Variants in RNF19A observed in about 807,000 individuals in gnomAD.
RNF19A encodes the protein E3 ubiquitin-protein ligase RNF19A.
Under a neutral mutation model 75.7 loss-of-function variants are expected in RNF19A, and 32 were observed. That is an observed-to-expected ratio of 0.42 (90% CI 0.32 to 0.57). The LOEUF is 0.57. Ranked by LOEUF, RNF19A falls within the 20% of genes least tolerant of loss-of-function variation. The pLI, the probability that RNF19A is intolerant of heterozygous loss-of-function variation, is 0.10. For synonymous variants in RNF19A, 335 were observed against 345.2 expected (o/e 0.97, Z 0.33); for missense variants, 782 against 1,036.3 (o/e 0.75, Z 3.37).
At position 100,287,939 on chromosome 8, in the gene RNF19A, C is replaced by A. The variant is rs773648955; in HGVS notation, c.236G>T (p.Arg79Leu). Reference sequence around the variant, plus strand: ...CCCGCCATTTAGCTCCCTTGATTTACGTTTGTTATCTTTTTTCCTCCGAAA... The same window carrying A: ...CCCGCCATTTAGCTCCCTTGATTTAAGTTTGTTATCTTTTTTCCTCCGAAA... ...SLFRRKKDNK[R>L]KSRELNGGVD... Residue 79 changes from arginine to leucine, a missense_variant, in exon 2 of 10, where the codon CGT (arginine) becomes CTT (leucine). By Grantham distance (102) the Arg-to-Leu change is moderately radical (BLOSUM62 -2). Coordinates refer to ENST00000341084, the MANE Select transcript of RNF19A (RefSeq NM_183419.4). The surrounding 1 kb of genome is among the most constrained non-coding windows in gnomAD (Gnocchi z 4.1). 3.7e-6 allele frequency: 6 copies of A among 1,614,114 alleles called. No individual in the cohort carries two copies. Among genetic ancestry groups the A allele is most frequent in the Non-Finnish European group, 5.1e-6 (6 of 1,180,012 alleles).
At chr8:100,306,689 A>C (rs1432994934) in intron 1 of RNF19A, among the ~76,000 whole-genome samples, 2 of 152,236 alleles carry the variant, frequency 1.3e-5, no homozygotes, top group Admixed American at 6.5e-5. Flanking sequence ...TGTTTGGTTG[A>C]AGCCTACCAC....
chr8:100,287,949 C>A lies in RNF19A; in HGVS notation c.226G>T (p.Asp76Tyr). 6.2e-7 allele frequency: 1 copy of A among 1,614,114 alleles called. No individual in the cohort carries two copies. Among genetic ancestry groups the A allele is most frequent in the Non-Finnish European group, 8.5e-7 (1 of 1,180,004 alleles). Reference sequence around the variant, plus strand: ...AGCTCCCTTGATTTACGTTTGTTATCTTTTTTCCTCCGAAACAGGGAGCCT... The same window carrying A: ...AGCTCCCTTGATTTACGTTTGTTATATTTTTTCCTCCGAAACAGGGAGCCT... ...SIGSLFRRKK[D>Y]NKRKSRELNG... Residue 76 changes from aspartate to tyrosine, a missense_variant, in exon 2 of 10, where the codon GAT (aspartate) becomes TAT (tyrosine). This residue lies in a region of RNF19A where 148 missense variants were observed against 147.9 expected (regional missense o/e 1.00). Coordinates refer to ENST00000341084, the MANE Select transcript of RNF19A (RefSeq NM_183419.4). The surrounding 1 kb of genome is among the most constrained non-coding windows in gnomAD (Gnocchi z 4.1).
rs1821061653 is a variant in RNF19A at position 100,287,155 on chromosome 8, C to T, written c.674+346G>A. On this transcript the variant is annotated intron_variant, in intron 2 of 9. Transcript: ENST00000341084. This position sits in a 1 kb window ranked among gnomAD's most constrained non-coding sequence, Gnocchi z 4.1. The stretch of plus-strand genomic sequence containing the variant: ...TTGAATTTATGACCACAAATAACCC[C>T]CTCATCATAAACAAACCTGATCATT... Among the ~76,000 whole-genome samples the T allele has an allele frequency of 6.6e-6, 1 of 152,012 alleles. No homozygotes were observed. The highest frequency in any genetic ancestry group is 6.6e-5 in the Admixed American group (1 of 15,258).
At chr8:100,300,764 T>C (rs924794362) in intron 1 of RNF19A, 8 of 152,356 alleles carry the variant, frequency 5.3e-5, no homozygotes, top group Non-Finnish European at 8.8e-5. Context: ...GATATTTAAC[T>C]AGTCAACTCC....
chr8:100,326,823 CTT>C (rs1369900710), intron 1 of RNF19A, among the ~76,000 whole-genome samples: 2 of 152,210 alleles, frequency 1.3e-5, no homozygotes, highest in Non-Finnish European at 2.9e-5. Context: ...ATTTGACTCT[CTT>C]TGATGAAAGA....
upstream of RNF19A, among the ~76,000 whole-genome samples, chr8:100,311,340 A>T (rs1194388750): frequency 6.6e-6 from 1 of 152,230 alleles, no homozygotes; most frequent in Non-Finnish European, 1.5e-5. Context: ...GCTGCCAGCG[A>T]CTTTACATAT....
intron 1 of RNF19A, among the ~76,000 whole-genome samples, chr8:100,307,415 C>T (rs1712048909): frequency 6.6e-6 from 1 of 152,098 alleles, no homozygotes; most frequent in Admixed American, 6.5e-5. Context: ...CATATCTCAA[C>T]CATCTGTGCC....
intron 5 of RNF19A, among the ~76,000 whole-genome samples, chr8:100,267,047 A>C (rs558573248): frequency 8.5e-5 from 13 of 152,346 alleles, no homozygotes; most frequent in African/African-American, 2.9e-4. Flanking sequence ...AAACAAAAGG[A>C]AACAGATCTG....
intron 1 of RNF19A, among the ~76,000 whole-genome samples, chr8:100,300,828 G>A (rs1057122824): frequency 6.6e-6 from 1 of 152,160 alleles, no homozygotes; most frequent in African/African-American, 2.4e-5. Flanking sequence ...AAAAAACAGA[G>A]TGAGTCTTTT....
intron 1 of RNF19A, chr8:100,309,439 C>T: frequency 1.0e-6 from 1 of 985,518 alleles, no homozygotes; most frequent in Non-Finnish European, 1.2e-6. Flanking sequence ...GTTCCGCCCC[C>T]GCCGCCTCCC....
At chr8:100,313,603 T>C (rs1045496786), upstream of RNF19A, among the ~76,000 whole-genome samples, 1 of 152,116 alleles carries the variant, frequency 6.6e-6, no homozygotes, top group African/African-American at 2.4e-5. Context: ...TTCTAAATGA[T>C]TGGTATGAAG....
intron 2 of RNF19A, among the ~76,000 whole-genome samples, chr8:100,285,625 T>C (rs1277539201): frequency 6.6e-6 from 1 of 152,070 alleles, no homozygotes; most frequent in Non-Finnish European, 1.5e-5. Flanking sequence ...TTTTCCTTTA[T>C]CATTGTCAGA....
chr8:100,259,891 C>A lies in RNF19A; in HGVS notation c.1789G>T (p.Ala597Ser). ...ATGTAGGAATTCAGAATGGATCCTG[C>A]CATTGCTTTGGTGCTGGCATTATCA... ...VSDNASTKAM[A>S]GSILNSYIPL... The change falls in exon 9 of 10, where the codon GCA becomes TCA. Residue 597 changes from alanine (A) to serine (S), a missense_variant. Physicochemically the swap from Ala to Ser is moderately conservative, Grantham distance 99 (BLOSUM62 1). Transcript: ENST00000341084. The surrounding 1 kb of genome is among the most constrained non-coding windows in gnomAD (Gnocchi z 4.5). 6.2e-7 allele frequency: 1 copy of A among 1,613,876 alleles called. No homozygotes were observed. The highest frequency in any genetic ancestry group is 8.5e-7 in the Non-Finnish European group (1 of 1,179,864).
At chr8:100,302,710 T>C (rs1222508099) in intron 1 of RNF19A, among the ~76,000 whole-genome samples, 1 of 151,944 alleles carries the variant, frequency 6.6e-6, no homozygotes, top group African/African-American at 2.4e-5. Flanking sequence ...AAGAGGCGAA[T>C]CCAGTAAAGG....
intron 2 of RNF19A, among the ~76,000 whole-genome samples, chr8:100,278,810 T>C (rs573038570): frequency 1.2e-4 from 18 of 152,256 alleles, no homozygotes; most frequent in African/African-American, 4.1e-4. Context: ...AAAAAAGTAC[T>C]TCTTCTTGAC....
rs1042005098 is a variant in RNF19A at position 100,323,375 on chromosome 8, GC to G, written c.-242-10004del. Among the ~76,000 whole-genome samples the G allele has an allele frequency of 1.3e-5, 2 of 152,140 alleles. No individual in the cohort carries two copies. Among genetic ancestry groups the G allele is most frequent in the Non-Finnish European group, 2.9e-5 (2 of 68,040 alleles). On this transcript the variant is annotated intron_variant, in intron 1 of 3. Coordinates refer to the RNF19A transcript ENST00000519527. The surrounding 1 kb of genome is among the most constrained non-coding windows in gnomAD (Gnocchi z 4.6). ...AATTCATATTCTTGGCAGAATCTCA[GC>G]ACTGAAACAGTAAGAAGAAAACAGT...
At chr8:100,304,124 A>AT (rs1025486052) in intron 1 of RNF19A, among the ~76,000 whole-genome samples, 5 of 150,708 alleles carry the variant, frequency 3.3e-5, no homozygotes, top group East Asian at 1.9e-4. Context: ...ACCTAGGTAA[A>AT]TTTTTTTTTG....
intron 1 of RNF19A, among the ~76,000 whole-genome samples, chr8:100,318,711 CT>C (rs1822420634): frequency 6.6e-6 from 1 of 151,908 alleles, no homozygotes; most frequent in South Asian, 2.1e-4. Context: ...CTGGAACACT[CT>C]TAGATATGAC....
At chr8:100,316,829 T>C (rs1470731580) in intron 1 of RNF19A, among the ~76,000 whole-genome samples, 1 of 152,098 alleles carries the variant, frequency 6.6e-6, no homozygotes, top group Non-Finnish European at 1.5e-5. Flanking sequence ...CAGGGGGTGG[T>C]GCTCCTGGGG....
Sources: allele counts gnomAD v4.1 joint callset (sites outside exome capture counted in the v4.1 genomes callset), GRCh38; gene constraint gnomAD v4.1.1; regional missense constraint gnomAD v4.1.1; non-coding constraint Gnocchi (gnomAD v3.1); transcripts MANE v1.5; gene names NCBI Gene and HGNC (gene_info 2026-07-23, HGNC 2026-07-21).